RP1: variants seen among roughly 807,000 people sequenced by gnomAD.
RP1 encodes the protein RP1 axonemal microtubule associated.
In RP1, 16 loss-of-function variants were observed where a neutral mutation model predicts 14.8. The ratio of observed to expected loss-of-function variants is 1.08; its 90% CI spans 0.73 to 1.65. RP1 has a LOEUF of 1.65. Among genes scored for constraint, RP1 ranks in the 40% most tolerant of loss-of-function variants. The probability of loss-of-function intolerance (pLI) is 0.00; values close to 1 mark genes in which losing one functional copy is unlikely to be tolerated. For missense variants in RP1, 2,631 were observed against 2,535.0 expected (o/e 1.04, Z -0.81); for synonymous variants, 876 against 883.6 (o/e 0.99, Z 0.15).
At chr8:54,582,830 G>A (rs1563317907) in intron 1 of RP1, among the ~76,000 whole-genome samples, 1 of 152,148 alleles carries the variant, frequency 6.6e-6, no homozygotes, top group Non-Finnish European at 1.5e-5. Context: ...GAATGCTTGT[G>A]ATTTTTGCAC....
intron 1 of RP1, among the ~76,000 whole-genome samples, chr8:54,564,551 C>T (rs1804358130): frequency 6.6e-6 from 1 of 152,158 alleles, no homozygotes; most frequent in Admixed American, 6.5e-5. Flanking sequence ...TGTTTCAGTC[C>T]CGTTTCACAG....
At chr8:54,786,596 A>T (rs938726826) in intron 24 of RP1, among the ~76,000 whole-genome samples, 5 of 152,090 alleles carry the variant, frequency 3.3e-5, no homozygotes, top group African/African-American at 1.2e-4. Context: ...TTTTCATTGA[A>T]TACATGCTCC....
At position 54,628,769 on chromosome 8, in the gene RP1, A is replaced by C; in HGVS notation, c.4887A>C (p.Lys1629Asn). The part of the protein sequence containing the change: ...QEKEYNIGFV[K>N]RAIEKLYGKA... ...AAGAATATAACATAGGATTTGTTAA[A>C]AGGGCAATAGAAAAACTGTACGGTA... The change falls in exon 4 of 4, where the codon AAA (lysine) becomes AAC (asparagine). Residue 1629 changes from lysine (K) to asparagine (N), a missense_variant. Lys to Asn is a moderately conservative substitution (Grantham distance 94, BLOSUM62 0). Coordinates refer to ENST00000220676, the MANE Select transcript of RP1 (RefSeq NM_006269.2). The C allele has an allele frequency of 6.2e-7, 1 of 1,614,134 alleles. No homozygotes were observed. Among genetic ancestry groups the C allele is most frequent in the Non-Finnish European group, 8.5e-7 (1 of 1,179,988 alleles).
intron 27 of RP1, among the ~76,000 whole-genome samples, chr8:54,863,077 A>ATATG (rs1812386964): frequency 6.9e-6 from 1 of 144,296 alleles, no homozygotes; most frequent in Admixed American, 7.0e-5. Context: ...ATATATATAT[A>ATATG]TGCAGAATCA....
chr8:54,681,735 C>T (rs1807438207), intron 12 of RP1, among the ~76,000 whole-genome samples: 1 of 151,998 alleles, frequency 6.6e-6, no homozygotes, highest in Admixed American at 6.6e-5. Flanking sequence ...CCACCACCCC[C>T]TGATGTGTCC....
chr8:54,701,755 G>A (rs1808026313), intron 14 of RP1: 2 of 1,173,838 alleles, frequency 1.7e-6, no homozygotes, highest in Non-Finnish European at 2.4e-6. Flanking sequence ...TCATAATGCA[G>A]TAATCGAATC....
At chr8:54,769,774 T>C (rs776357308) in exon 23 of RP1, 105 of 1,533,994 alleles carry the variant, frequency 6.8e-5, no homozygotes, top group Middle Eastern at 5.0e-4. Context: ...GCATAATTCA[T>C]TCAGAAATTG....
At chr8:54,652,784 C>T in exon 5 of RP1, 1 of 1,534,944 alleles carries the variant, frequency 6.5e-7, no homozygotes, top group Non-Finnish European at 8.7e-7. Flanking sequence ...TCATAGATAA[C>T]AGTTGGAGAC....
chr8:54,653,156 G>A (rs1033848565), intron 5 of RP1, among the ~76,000 whole-genome samples: 1 of 152,144 alleles, frequency 6.6e-6, no homozygotes, highest in Admixed American at 6.6e-5. Context: ...ATAAAAAGAT[G>A]ACTAGCTGTA....
chr8:54,720,042 A>G (rs1215103034), intron 15 of RP1: 4 of 1,123,858 alleles, frequency 3.6e-6, no homozygotes, highest in Non-Finnish European at 4.9e-6. Flanking sequence ...AAACGAGACA[A>G]AATTATATTC....
At chr8:54,819,161 C>CT (rs1811199373) in intron 24 of RP1, among the ~76,000 whole-genome samples, 1 of 151,614 alleles carries the variant, frequency 6.6e-6, no homozygotes, top group African/African-American at 2.4e-5. Flanking sequence ...TCTTTTTATT[C>CT]TTTTTTCTCC....
At chr8:54,702,036 T>C (rs982194343) in intron 14 of RP1, among the ~76,000 whole-genome samples, 1 of 152,190 alleles carries the variant, frequency 6.6e-6, no homozygotes, top group African/African-American at 2.4e-5. Context: ...TTCATAATGC[T>C]TATTCTTTTT....
intron 23 of RP1, among the ~76,000 whole-genome samples, chr8:54,777,716 G>A (rs748029107): frequency 6.6e-6 from 1 of 152,052 alleles, no homozygotes; most frequent in African/African-American, 2.4e-5. Flanking sequence ...TATATACATA[G>A]AATTATTTGG....
At chr8:54,737,352 A>T (rs988966569) in intron 18 of RP1, among the ~76,000 whole-genome samples, 4 of 152,224 alleles carry the variant, frequency 2.6e-5, no homozygotes, top group East Asian at 3.8e-4. Context: ...ATAGGTATCA[A>T]GTCACATATG....
chr8:54,837,626 GA>G lies in RP1; in HGVS notation c.3794del (p.Lys1265ArgfsTer27). 1.6e-6 allele frequency: 2 copies of G among 1,232,048 alleles called. No individual in the cohort carries two copies. The highest frequency in any genetic ancestry group is 2.0e-6 in the Non-Finnish European group (2 of 987,898). 76.3% of individuals were successfully genotyped at this position (1,232,048 alleles called of 1,614,324 possible). On this transcript the variant is annotated frameshift_variant, in exon 25 of 29. Coordinates refer to the RP1 transcript ENST00000637698. LOFTEE classifies it high-confidence loss of function. ...AGAATGAAAATGATGGCGATCTATG[GA>G]AGGAAATACCCATCATGGGACCAAA...
upstream of RP1, among the ~76,000 whole-genome samples, chr8:54,611,453 T>C (rs1416113522): frequency 6.6e-6 from 1 of 152,194 alleles, no homozygotes; most frequent in Non-Finnish European, 1.5e-5. Context: ...CTGCTGATTG[T>C]TTTTGCTGCT....
chr8:54,730,328 C>T (rs560256048), intron 17 of RP1, among the ~76,000 whole-genome samples: 37 of 151,904 alleles, frequency 2.4e-4, no homozygotes, highest in African/African-American at 8.9e-4. Context: ...CTTAGTATTT[C>T]TCTTTAGTAT....
At chr8:54,560,077 C>G (rs893973840) in intron 1 of RP1, among the ~76,000 whole-genome samples, 3 of 152,168 alleles carry the variant, frequency 2.0e-5, no homozygotes, top group African/African-American at 7.2e-5. Flanking sequence ...GGAGAAGCTT[C>G]AGGGCATCAT....
chr8:54,638,390 A>G (rs930388124), intron 3 of RP1, among the ~76,000 whole-genome samples: 3 of 150,916 alleles, frequency 2.0e-5, no homozygotes, highest in Admixed American at 6.6e-5. Flanking sequence ...GTGAGCCGAG[A>G]TCGCGCCACT....
Sources: gnomAD v4.1 joint callset for allele counts (sites outside exome capture counted in the v4.1 genomes callset) on GRCh38, gnomAD v4.1.1 for gene constraint, MANE v1.5 for transcripts, NCBI Gene and HGNC (gene_info 2026-07-23, HGNC 2026-07-21) for gene names.